The following DLG2 variants were observed in gnomAD, a reference collection of about 807,000 sequenced individuals.
The protein encoded by DLG2 is discs large MAGUK scaffold protein 2, also known as disks large homolog 2.
In DLG2, 45 loss-of-function variants were observed where a neutral mutation model predicts 132.5. That is an observed-to-expected ratio of 0.34 (90% CI 0.27 to 0.44). The LOEUF (loss-of-function observed/expected upper bound fraction) is 0.44. Among genes scored for constraint, DLG2 ranks in the 20% least tolerant of loss-of-function variants. The pLI, the probability that DLG2 is intolerant of heterozygous loss-of-function variation, is 1.00. For synonymous variants in DLG2, 424 were observed against 419.6 expected, an observed-to-expected ratio of 1.01 and a Z score of -0.13; for missense variants, 1,045 against 1,196.9, an observed-to-expected ratio of 0.87 and a Z score of 1.87.
intron 3 of DLG2, among the ~76,000 whole-genome samples, chr11:85,597,777 CA>C (rs1183155720): frequency 6.6e-6 from 1 of 151,466 alleles, no homozygotes; most frequent in Admixed American, 6.6e-5. Context: ...CATGAAAAAG[CA>C]ATGAAAATAT....
chr11:84,475,650 A>AC (rs2099119663), intron 7 of DLG2, among the ~76,000 whole-genome samples: 1 of 151,832 alleles, frequency 6.6e-6, no homozygotes, highest in Admixed American at 6.6e-5. Flanking sequence ...CAAATCAGGG[A>AC]CCCCCAATTT....
At chr11:85,346,637 G>A (rs1031933537) in intron 3 of DLG2, among the ~76,000 whole-genome samples, 7 of 152,042 alleles carry the variant, frequency 4.6e-5, no homozygotes, top group South Asian at 2.1e-4. Flanking sequence ...TCCCTTAACC[G>A]TAAACATCTA....
chr11:85,543,839 T>G (rs1160205041), intron 3 of DLG2, among the ~76,000 whole-genome samples: 2 of 93,770 alleles, frequency 2.1e-5, no homozygotes, highest in Non-Finnish European at 2.0e-5. Flanking sequence ...GGGTTGTTTG[T>G]TTTTTTTTCT....
intron 21 of DLG2, among the ~76,000 whole-genome samples, chr11:83,521,977 A>C (rs2095491646): frequency 6.6e-6 from 1 of 152,160 alleles, no homozygotes; most frequent in East Asian, 1.9e-4. Flanking sequence ...TACCCAAAGA[A>C]GAGCCTCTTC....
rs563557428 is a variant in DLG2, at chr11:85,300,842, G to A, written c.41-15477C>T. ...TCAGGCATGGGAGTTTGAGGACAGGGAAGTGGAAGAGATGGAGAACGTGCA... is the reference window on the plus strand; with the variant it reads ...TCAGGCATGGGAGTTTGAGGACAGGAAAGTGGAAGAGATGGAGAACGTGCA... On this transcript the variant is annotated intron_variant, in intron 3 of 27. Transcript: ENST00000376104. 2.0e-5 allele frequency among the ~76,000 whole-genome samples: 3 copies of A among 152,170 alleles called. No homozygotes were observed. The East Asian group carries it at 5.8e-4, about 29-fold the overall frequency.
At chr11:85,600,523 C>A (rs1352074337) in intron 2 of DLG2, among the ~76,000 whole-genome samples, 4 of 152,312 alleles carry the variant, frequency 2.6e-5, no homozygotes, top group Non-Finnish European at 2.9e-5. Context: ...AACCAGTCTA[C>A]AAATAATAAT....
At chr11:84,924,729 G>C (rs897929904) in intron 6 of DLG2, among the ~76,000 whole-genome samples, 1 of 152,116 alleles carries the variant, frequency 6.6e-6, no homozygotes, top group Non-Finnish European at 1.5e-5. Context: ...TCCTAAGCTG[G>C]AGATCCTTGG....
At chr11:84,356,775 G>T (rs1453809756) in intron 7 of DLG2, among the ~76,000 whole-genome samples, 3 of 151,802 alleles carry the variant, frequency 2.0e-5, no homozygotes, top group Non-Finnish European at 4.4e-5. Context: ...TAATGCCAGG[G>T]TAGAGAATGA....
chr11:84,041,569 T>G (rs1216609523), intron 11 of DLG2, among the ~76,000 whole-genome samples: 1 of 151,988 alleles, frequency 6.6e-6, no homozygotes, highest in African/African-American at 2.4e-5. Flanking sequence ...TATAAATGTA[T>G]GATAAATTTA....
At chr11:84,797,928 G>C (rs889899335) in intron 6 of DLG2, among the ~76,000 whole-genome samples, 29 of 152,158 alleles carry the variant, frequency 1.9e-4, no homozygotes, top group African/African-American at 7.0e-4. Flanking sequence ...GACTCACAGA[G>C]GTACCACTAT....
chr11:85,586,534 C>T (rs1391447312), intron 3 of DLG2, among the ~76,000 whole-genome samples: 14 of 152,008 alleles, frequency 9.2e-5, no homozygotes, highest in African/African-American at 3.1e-4. Flanking sequence ...TTTGTATTTC[C>T]GTGGTATCAG....
intron 6 of DLG2, among the ~76,000 whole-genome samples, chr11:84,884,979 C>T (rs10898315): frequency 0.42 from 64,493 of 151,844 alleles, 14,137 homozygotes; most frequent in Middle Eastern, 0.45. Flanking sequence ...TTAACATTGT[C>T]TGATCCTGAC....
At chr11:84,032,109 A>G (rs1010755366) in intron 11 of DLG2, among the ~76,000 whole-genome samples, 3 of 152,034 alleles carry the variant, frequency 2.0e-5, no homozygotes, top group African/African-American at 7.2e-5. Context: ...ATTCCCCAAG[A>G]CCCCGAGGCT....
chr11:85,438,887 A>AT (rs2153026544), intron 3 of DLG2, among the ~76,000 whole-genome samples: 1 of 152,232 alleles, frequency 6.6e-6, no homozygotes, highest in African/African-American at 2.4e-5. Context: ...TCTGTCCTCT[A>AT]TTTCTAAAAT....
chr11:84,307,569 GC>G (rs1224819628), intron 7 of DLG2, among the ~76,000 whole-genome samples: 10 of 151,918 alleles, frequency 6.6e-5, no homozygotes, highest in Non-Finnish European at 1.5e-4. Context: ...AGTGAAGGGC[GC>G]CTGTAGTCCC....
intron 6 of DLG2, among the ~76,000 whole-genome samples, chr11:84,771,460 T>C (rs553726638): frequency 2.0e-5 from 3 of 152,334 alleles, no homozygotes; most frequent in African/African-American, 4.8e-5. Flanking sequence ...TTTAATGGGG[T>C]TGTTTTTTTC....
At chr11:84,654,045 T>G (rs146145602) in intron 6 of DLG2, among the ~76,000 whole-genome samples, 11 of 152,278 alleles carry the variant, frequency 7.2e-5, no homozygotes, top group Admixed American at 1.3e-4. Context: ...TAATAGAATA[T>G]GAAGTGGTGT....
At chr11:83,747,042 T>G (rs2092961023) in intron 18 of DLG2, among the ~76,000 whole-genome samples, 1 of 152,184 alleles carries the variant, frequency 6.6e-6, no homozygotes, top group Non-Finnish European at 1.5e-5. Context: ...AGAAAATTGA[T>G]GGACATATAA....
chr11:85,192,698 AC>A (rs770944904), intron 4 of DLG2, among the ~76,000 whole-genome samples: 14 of 152,216 alleles, frequency 9.2e-5, no homozygotes, highest in Admixed American at 2.0e-4. Context: ...AAATCCTATT[AC>A]TTTTGCCTTT....
Sources: gnomAD v4.1 joint callset for allele counts (sites outside exome capture counted in the v4.1 genomes callset) on GRCh38, gnomAD v4.1.1 for gene constraint, MANE v1.5 for transcripts, NCBI Gene and HGNC (gene_info 2026-07-23, HGNC 2026-07-21) for gene names.